DGKB: variants seen among roughly 807,000 people sequenced by gnomAD.
DGKB encodes 90 kDa diacylglycerol kinase.
Under a neutral mutation model 114.3 loss-of-function variants are expected in DGKB, and 67 were observed. The ratio of observed to expected loss-of-function variants is 0.59; its 90% CI spans 0.48 to 0.72. The LOEUF (loss-of-function observed/expected upper bound fraction) is 0.72, where lower values mean the gene tolerates loss of function less well. Among genes scored for constraint, DGKB ranks in the 30% least tolerant of loss-of-function variants. DGKB has a pLI of 0.00. For missense variants in DGKB, 907 were observed against 975.2 expected, an observed-to-expected ratio of 0.93 and a Z score of 0.93; for synonymous variants, 398 against 323.1, an observed-to-expected ratio of 1.23 and a Z score of -2.49.
chr7:14,189,095 T>A (rs1461678534), intron 23 of DGKB, among the ~76,000 whole-genome samples: 1 of 152,182 alleles, frequency 6.6e-6, no homozygotes, highest in Non-Finnish European at 1.5e-5. Context: ...AGTGAAAGTA[T>A]AAAACTCACC....
At chr7:14,733,663 G>T (rs1210774704) in intron 5 of DGKB, among the ~76,000 whole-genome samples, 1 of 151,898 alleles carries the variant, frequency 6.6e-6, no homozygotes, top group Non-Finnish European at 1.5e-5. Flanking sequence ...ACTCAAGCCT[G>T]AGACCCTGTG....
At chr7:14,857,192 A>ATCTCTCTCTCTCTGTCTCTCTCTC (rs1562735337) in intron 1 of DGKB, among the ~76,000 whole-genome samples, 1 of 129,042 alleles carries the variant, frequency 7.7e-6, no homozygotes, top group Non-Finnish European at 1.6e-5. Flanking sequence ...AGCAAGGAAG[A>ATCTCTCTCTCTCTGTCTCTCTCTC]TCTCTCTCTC....
chr7:14,505,958 T>C (rs568375175), intron 20 of DGKB, among the ~76,000 whole-genome samples: 1 of 152,158 alleles, frequency 6.6e-6, no homozygotes, highest in Non-Finnish European at 1.5e-5. Context: ...CCCAGATTTT[T>C]TTTTATAATT....
intron 21 of DGKB, among the ~76,000 whole-genome samples, chr7:14,432,718 C>A (rs1170190067): frequency 2.0e-5 from 3 of 152,176 alleles, no homozygotes; most frequent in Admixed American, 6.5e-5. Flanking sequence ...TCCATGTTGG[C>A]CTTCATCCTG....
At chr7:14,541,396 T>C (rs893907412) in intron 20 of DGKB, among the ~76,000 whole-genome samples, 3 of 152,194 alleles carry the variant, frequency 2.0e-5, no homozygotes, top group Non-Finnish European at 4.4e-5. Context: ...TTGTAGTTGA[T>C]ACAGCCTGCT....
chr7:14,609,905 G>C (rs555766945), intron 16 of DGKB, among the ~76,000 whole-genome samples: 1 of 152,154 alleles, frequency 6.6e-6, no homozygotes, highest in Admixed American at 6.6e-5. Flanking sequence ...AAAAGGAAAT[G>C]CCTCTATGCT....
chr7:14,474,642 A>G (rs1057197691), intron 21 of DGKB, among the ~76,000 whole-genome samples: 9 of 152,030 alleles, frequency 5.9e-5, no homozygotes, highest in Non-Finnish European at 1.5e-5. Context: ...ATAATTATTA[A>G]TATCCTTTTT....
At chr7:14,418,484 C>G (rs944698826) in intron 21 of DGKB, among the ~76,000 whole-genome samples, 10 of 150,134 alleles carry the variant, frequency 6.7e-5, no homozygotes, top group African/African-American at 2.4e-4. Context: ...ATACAGCATA[C>G]AATACAAAGT....
chr7:14,232,414 G>T (rs543001536), intron 23 of DGKB, among the ~76,000 whole-genome samples: 6 of 150,814 alleles, frequency 4.0e-5, no homozygotes, highest in East Asian at 3.9e-4. Context: ...GGGGTTAAAG[G>T]TTGGCTTATT....
chr7:14,840,679 C>A (rs542628955), intron 2 of DGKB, among the ~76,000 whole-genome samples: 1 of 147,598 alleles, frequency 6.8e-6, no homozygotes, highest in Non-Finnish European at 1.5e-5. Flanking sequence ...TCTATGACTC[C>A]CTGCTTCCTA....
chr7:14,378,410 C>T (rs1007186346), intron 21 of DGKB, among the ~76,000 whole-genome samples: 2 of 152,098 alleles, frequency 1.3e-5, no homozygotes, highest in South Asian at 2.1e-4. Context: ...ATGTAAGATG[C>T]TAACTTTAGG....
chr7:14,736,199 A>AC lies in DGKB; in HGVS notation c.169-6_169-5insG. The AC allele has an allele frequency of 7.0e-7, 1 of 1,418,700 alleles. No individual in the cohort carries two copies. Among genetic ancestry groups the AC allele is most frequent in the Non-Finnish European group, 9.6e-7 (1 of 1,041,678 alleles). The allele number at this position is 1,418,700 out of a possible 1,614,324, so 87.9% of individuals were successfully genotyped here. ...GAAACCTTCAAAATCTATTGTCTGGAAAAAAAAAATGTAAACATGTATTTT... is the reference window on the plus strand; with the variant it reads ...GAAACCTTCAAAATCTATTGTCTGGACAAAAAAAAATGTAAACATGTATTTT... On this transcript the variant is annotated splice_region_variant and splice_polypyrimidine_tract_variant and intron_variant, in intron 4 of 25. Coordinates refer to ENST00000402815, the MANE Select transcript of DGKB (RefSeq NM_001350709.2).
intron 13 of DGKB, among the ~76,000 whole-genome samples, chr7:14,649,857 T>C (rs1468296436): frequency 7.1e-6 from 1 of 140,092 alleles, no homozygotes; most frequent in African/African-American, 2.8e-5. Flanking sequence ...TAGTCTCTGA[T>C]AAAACAGACT....
chr7:14,432,782 A>G (rs1319078847), intron 21 of DGKB, among the ~76,000 whole-genome samples: 1 of 151,752 alleles, frequency 6.6e-6, no homozygotes, highest in African/African-American at 2.4e-5. Flanking sequence ...TATCTCCTCT[A>G]TTTCCCTCAT....
chr7:14,907,148 A>G (rs537734721), upstream of DGKB, among the ~76,000 whole-genome samples: 37 of 152,192 alleles, frequency 2.4e-4, no homozygotes, highest in Non-Finnish European at 4.3e-4. Context: ...CAGAAAAGAC[A>G]TGATATTATT....
chr7:14,393,795 C>T (rs1227701836), intron 21 of DGKB, among the ~76,000 whole-genome samples: 3 of 152,040 alleles, frequency 2.0e-5, no homozygotes, highest in South Asian at 2.1e-4. Flanking sequence ...TAAATCTGAA[C>T]GAGAAACTCT....
At chr7:14,794,328 G>C (rs1324087907) in intron 2 of DGKB, among the ~76,000 whole-genome samples, 5 of 152,116 alleles carry the variant, frequency 3.3e-5, no homozygotes, top group African/African-American at 9.7e-5. Flanking sequence ...AGCACTGATA[G>C]ACTAGGGCCT....
At chr7:14,962,486 C>T (rs974845671) in intron 1 of DGKB, among the ~76,000 whole-genome samples, 10 of 152,126 alleles carry the variant, frequency 6.6e-5, no homozygotes, top group Admixed American at 2.6e-4. Context: ...TATAAATAGA[C>T]GCTTTTCATC....
At chr7:14,859,667 C>T (rs576796612) in intron 1 of DGKB, among the ~76,000 whole-genome samples, 1 of 152,172 alleles carries the variant, frequency 6.6e-6, no homozygotes, top group South Asian at 2.1e-4. Context: ...TCTATCCAAC[C>T]CTCTGAAAGT....
Sources: gnomAD v4.1 joint callset for allele counts (sites outside exome capture counted in the v4.1 genomes callset) on GRCh38, gnomAD v4.1.1 for gene constraint, MANE v1.5 for transcripts, NCBI Gene and HGNC (gene_info 2026-07-23, HGNC 2026-07-21) for gene names.